Variants in BTG4 observed in about 807,000 individuals in gnomAD.
The protein encoded by BTG4 is protein BTG4.
Under a neutral mutation model 19.3 loss-of-function variants are expected in BTG4, and 10 were observed. The ratio of observed to expected loss-of-function variants is 0.52; its 90% confidence interval spans 0.32 to 0.88. The LOEUF (loss-of-function observed/expected upper bound fraction) is 0.88. BTG4 is among the 40% of genes least tolerant of loss of function. BTG4 has a pLI of 0.04. For missense variants in BTG4, 238 were observed against 281.9 expected (o/e 0.84, Z 1.11); for synonymous variants, 91 against 95.7 (o/e 0.95, Z 0.29).
exon 6 of BTG4, chr11:111,467,680 T>C: frequency 1.3e-6 from 1 of 772,438 alleles, no homozygotes; most frequent in Non-Finnish European, 2.4e-6. Flanking sequence ...GGTTATAAAA[T>C]TCTGGGGTCC....
At chr11:111,505,882 A>G (rs1866421146) in intron 1 of BTG4, among the ~76,000 whole-genome samples, 1 of 152,186 alleles carries the variant, frequency 6.6e-6, no homozygotes, top group African/African-American at 2.4e-5. Flanking sequence ...AATGCTCAAC[A>G]TCACTAATCA....
chr11:111,396,156 T>C, the BTG4 span, among the ~76,000 whole-genome samples: 2 of 152,186 alleles, frequency 1.3e-5, no homozygotes, highest in African/African-American at 4.8e-5. Flanking sequence ...GCAGTTGAAC[T>C]CCTACATAAG....
the BTG4 span, among the ~76,000 whole-genome samples, chr11:111,400,336 G>T: frequency 6.6e-6 from 1 of 152,168 alleles, no homozygotes; most frequent in Non-Finnish European, 1.5e-5. Context: ...TGAGGAAAGC[G>T]TATTGCATCT....
the BTG4 span, among the ~76,000 whole-genome samples, chr11:111,392,466 C>T: frequency 2.0e-5 from 3 of 152,082 alleles, no homozygotes; most frequent in African/African-American, 2.4e-5. Flanking sequence ...CATGAGCCAC[C>T]GTGGCTGGCC....
chr11:111,454,326 T>C, the BTG4 span: 4,555 of 456,104 alleles, frequency 1.0e-2, 43 homozygotes, highest in Non-Finnish European at 0.017. Flanking sequence ...TCTCTGTCAG[T>C]GACAGCCAAA....
the BTG4 span, among the ~76,000 whole-genome samples, chr11:111,448,241 G>T: frequency 2.6e-5 from 4 of 152,178 alleles, no homozygotes; most frequent in East Asian, 7.7e-4. Flanking sequence ...GGAGCTGGGG[G>T]TATAGTTGAG....
At chr11:111,403,040 T>C in the BTG4 span, among the ~76,000 whole-genome samples, 3 of 152,132 alleles carry the variant, frequency 2.0e-5, no homozygotes, top group Non-Finnish European at 2.9e-5. Flanking sequence ...CCTTCTGAAT[T>C]ACCAAATCAA....
At chr11:111,453,207 G>T in the BTG4 span, among the ~76,000 whole-genome samples, 5 of 152,170 alleles carry the variant, frequency 3.3e-5, no homozygotes, top group Non-Finnish European at 7.3e-5. Context: ...ACTTTTATTT[G>T]TACTCTAGCA....
chr11:111,500,662 G>C (rs1392060765), intron 1 of BTG4, among the ~76,000 whole-genome samples: 1 of 141,614 alleles, frequency 7.1e-6, no homozygotes, highest in African/African-American at 2.6e-5. Context: ...ATGAGTGTCA[G>C]GTGTGTGAGT....
At position 111,497,240 on chromosome 11, in the gene BTG4, T is replaced by G; in HGVS notation, c.481A>C (p.Lys161Gln). The change falls in exon 4 of 5, where the codon AAA (lysine) becomes CAA (glutamine). Residue 161 changes from lysine to glutamine, a missense_variant. Lys to Gln is a moderately conservative substitution (Grantham distance 53). Transcript: ENST00000692032. ...SCSKEPRVIP[K>Q]VSNPKSIYQV... ...TAAATACTCTTCGGATTGCTGACTT[T>G]AGGAATGACACGAGGTTCCTTGCTA... 6.2e-7 allele frequency: 1 copy of G among 1,613,474 alleles called. No homozygotes were observed. Among genetic ancestry groups the G allele is most frequent in the South Asian group, 1.1e-5 (1 of 90,938 alleles).
the BTG4 span, among the ~76,000 whole-genome samples, chr11:111,411,909 G>A: frequency 6.6e-6 from 1 of 152,160 alleles, no homozygotes; most frequent in African/African-American, 2.4e-5. Context: ...GAATCATGAA[G>A]GTATGAGGCA....
intron 5 of BTG4, among the ~76,000 whole-genome samples, chr11:111,484,275 T>C (rs12282293): frequency 0.036 from 5,408 of 152,196 alleles, 329 homozygotes; most frequent in African/African-American, 0.12. Flanking sequence ...AATTTGAAGA[T>C]ATAAAAATTA....
the BTG4 span, among the ~76,000 whole-genome samples, chr11:111,419,250 G>A: frequency 6.6e-6 from 1 of 152,230 alleles, no homozygotes; most frequent in Non-Finnish European, 1.5e-5. Context: ...TAACACTGAT[G>A]CTCAGAGAAG....
chr11:111,502,172 A>G (rs1021547840), intron 1 of BTG4, among the ~76,000 whole-genome samples: 2 of 151,294 alleles, frequency 1.3e-5, no homozygotes, highest in South Asian at 4.2e-4. Context: ...GAGTCTCCCT[A>G]TGTTGCCCAG....
chr11:111,418,643 C>A, the BTG4 span, among the ~76,000 whole-genome samples: 3 of 152,268 alleles, frequency 2.0e-5, no homozygotes, highest in Admixed American at 2.0e-4. Context: ...AGTAGAAACA[C>A]TCTATTTACT....
At chr11:111,448,588 TC>T in the BTG4 span, 1 of 152,834 alleles carries the variant, frequency 6.5e-6, no homozygotes, top group East Asian at 1.9e-4. Flanking sequence ...GATGCCTGTT[TC>T]CCCTGTGGCT....
chr11:111,505,634 G>GTCCTA, intron 1 of BTG4, among the ~76,000 whole-genome samples: 1 of 151,800 alleles, frequency 6.6e-6, no homozygotes, highest in African/African-American at 2.4e-5. Flanking sequence ...AGAGAAATAG[G>GTCCTA]ACATAAACTA....
At chr11:111,489,226 C>T (rs1234211839) in intron 5 of BTG4, among the ~76,000 whole-genome samples, 3 of 151,646 alleles carry the variant, frequency 2.0e-5, no homozygotes, top group African/African-American at 7.3e-5. Flanking sequence ...ATTAAAACTA[C>T]AATGAGATAT....
intron 5 of BTG4, among the ~76,000 whole-genome samples, chr11:111,480,725 G>A (rs1393121585): frequency 1.3e-5 from 2 of 151,768 alleles, no homozygotes; most frequent in East Asian, 3.9e-4. Context: ...AAGTCTTAGG[G>A]AAATAAAAGA....
Sources: gnomAD v4.1 joint callset for allele counts (sites outside exome capture counted in the v4.1 genomes callset) on GRCh38, gnomAD v4.1.1 for gene constraint, MANE v1.5 for transcripts, NCBI Gene and HGNC (gene_info 2026-07-23, HGNC 2026-07-21) for gene names.